The following HIVEP1 variants were observed in gnomAD, a reference collection of about 807,000 sequenced individuals.
The protein encoded by HIVEP1 is zinc finger protein 40.
HIVEP1 carries 36 observed loss-of-function variants against 180.0 expected under a neutral mutation model. The observed-to-expected ratio is 0.20, with a 90% CI of 0.15 to 0.26. HIVEP1 has a LOEUF of 0.26. Among genes scored for constraint, HIVEP1 ranks in the 10% least tolerant of loss-of-function variants. HIVEP1 has a pLI of 1.00. For missense variants in HIVEP1, 3,143 were observed against 3,268.7 expected (o/e 0.96, Z 0.94); for synonymous variants, 1,239 against 1,239.0 (o/e 1.00, Z 0.00).
At chr6:12,011,214 G>GT (rs1767262527), upstream of HIVEP1, among the ~76,000 whole-genome samples, 1 of 147,496 alleles carries the variant, frequency 6.8e-6, no homozygotes, top group African/African-American at 2.5e-5. Context: ...TGAGTTTTAA[G>GT]TTTCACAATG....
intron 2 of HIVEP1, among the ~76,000 whole-genome samples, chr6:12,087,977 T>C (rs1351650212): frequency 6.6e-6 from 1 of 152,198 alleles, no homozygotes; most frequent in Non-Finnish European, 1.5e-5. Flanking sequence ...TATTTCAAAC[T>C]AGCTTGCTTC....
chr6:12,135,484 G>A (rs1758652037), intron 6 of HIVEP1, among the ~76,000 whole-genome samples: 2 of 152,118 alleles, frequency 1.3e-5, no homozygotes, highest in Non-Finnish European at 2.9e-5. Flanking sequence ...AGTCTGAACG[G>A]GACTTTAAAT....
intron 2 of HIVEP1, among the ~76,000 whole-genome samples, chr6:12,067,097 G>T (rs190817894): frequency 6.6e-6 from 1 of 152,206 alleles, no homozygotes; most frequent in African/African-American, 2.4e-5. Flanking sequence ...TCCGTTTAGG[G>T]AATATATCTC....
At chr6:12,012,756 TTC>T (rs1767451305) in intron 1 of HIVEP1, 190 bp downstream of exon 1, 1 of 152,270 alleles carries the variant, frequency 6.6e-6, no homozygotes, top group Non-Finnish European at 1.5e-5. Context: ...CCCTTGGCAC[TTC>T]TGGGCGCCCT....
At chr6:12,136,214 C>T (rs987226753) in intron 7 of HIVEP1, among the ~76,000 whole-genome samples, 5 of 152,104 alleles carry the variant, frequency 3.3e-5, no homozygotes, top group African/African-American at 1.2e-4. Flanking sequence ...TTGTAATCTG[C>T]TGATTACCTA....
At chr6:12,088,842 A>AT (rs1402181187) in intron 2 of HIVEP1, among the ~76,000 whole-genome samples, 2 of 152,090 alleles carry the variant, frequency 1.3e-5, no homozygotes, top group African/African-American at 4.8e-5. Flanking sequence ...TATCTCTAAA[A>AT]TCCCTATTAG....
chr6:12,162,238 C>T (rs994220608), intron 8 of HIVEP1, among the ~76,000 whole-genome samples: 5 of 133,184 alleles, frequency 3.8e-5, no homozygotes, highest in Admixed American at 7.4e-5. Flanking sequence ...AAAAAAAAAA[C>T]GTGACAGTGG....
At chr6:12,151,569 A>G (rs1411171454) in intron 7 of HIVEP1, among the ~76,000 whole-genome samples, 1 of 152,212 alleles carries the variant, frequency 6.6e-6, no homozygotes, top group Non-Finnish European at 1.5e-5. Context: ...ATACAGTACA[A>G]GCGTCTTAAC....
At chr6:12,051,307 T>G (rs1001458610) in intron 2 of HIVEP1, among the ~76,000 whole-genome samples, 3 of 151,812 alleles carry the variant, frequency 2.0e-5, no homozygotes, top group Non-Finnish European at 2.9e-5. Context: ...ACCTTATAAA[T>G]GCAGGGTTCA....
chr6:12,118,184 T>C (rs1392340948), intron 3 of HIVEP1, among the ~76,000 whole-genome samples: 1 of 151,520 alleles, frequency 6.6e-6, no homozygotes. Flanking sequence ...TTTAATGGAA[T>C]AGTATGCATT....
intron 7 of HIVEP1, among the ~76,000 whole-genome samples, chr6:12,147,218 C>T (rs1247970878): frequency 6.6e-6 from 1 of 152,148 alleles, no homozygotes; most frequent in Admixed American, 6.5e-5. Flanking sequence ...AAACTCTATT[C>T]ACTGGGCTTG....
intron 2 of HIVEP1, among the ~76,000 whole-genome samples, chr6:12,083,714 G>A (rs1239840508): frequency 1.3e-5 from 2 of 152,092 alleles, no homozygotes; most frequent in Non-Finnish European, 1.5e-5. Context: ...CCTTTTCTAT[G>A]TAATATTGAG....
At chr6:12,085,287 G>A (rs369218314) in intron 2 of HIVEP1, among the ~76,000 whole-genome samples, 2 of 152,080 alleles carry the variant, frequency 1.3e-5, no homozygotes, top group South Asian at 2.1e-4. Context: ...TTGAAAGGAC[G>A]CCCCACAGAG....
At chr6:12,151,758 C>T (rs1048507371) in intron 7 of HIVEP1, among the ~76,000 whole-genome samples, 4 of 152,156 alleles carry the variant, frequency 2.6e-5, no homozygotes, top group Non-Finnish European at 5.9e-5. Flanking sequence ...GTGACTGTAG[C>T]ACAAAAGCAG....
chr6:12,172,228 GT>G, the HIVEP1 span, among the ~76,000 whole-genome samples: 1 of 152,182 alleles, frequency 6.6e-6, no homozygotes, highest in Admixed American at 6.5e-5. Flanking sequence ...AGCTAGGGCT[GT>G]CTCATTCCAT....
At chr6:12,052,275 TG>T (rs1770593701) in intron 2 of HIVEP1, among the ~76,000 whole-genome samples, 1 of 152,228 alleles carries the variant, frequency 6.6e-6, no homozygotes, top group Non-Finnish European at 1.5e-5. Flanking sequence ...TGCATCTTAC[TG>T]GAACCACCCA....
At chr6:12,197,860 C>G in the HIVEP1 span, among the ~76,000 whole-genome samples, 10 of 151,996 alleles carry the variant, frequency 6.6e-5, no homozygotes, top group African/African-American at 2.4e-4. Flanking sequence ...CTGAGCTGGC[C>G]CCTGAAAACA....
At chr6:12,080,912 C>G (rs1355485437) in intron 2 of HIVEP1, among the ~76,000 whole-genome samples, 1 of 152,134 alleles carries the variant, frequency 6.6e-6, no homozygotes, top group Non-Finnish European at 1.5e-5. Context: ...CATAACCACT[C>G]TGGATCTTCT....
chr6:12,119,815 C>A, intron 3 of HIVEP1, 75 bp from the exon 4 acceptor site: 1 of 959,966 alleles, frequency 1.0e-6, no homozygotes, highest in Non-Finnish European at 1.5e-6. Flanking sequence ...TGATAGTAAT[C>A]TTAATTTTCA....
Sources: allele counts gnomAD v4.1 joint callset (sites outside exome capture counted in the v4.1 genomes callset), GRCh38; gene constraint gnomAD v4.1.1; transcripts MANE v1.5; gene names NCBI Gene and HGNC (gene_info 2026-07-23, HGNC 2026-07-21).